Variants in MYO16 observed in about 807,000 individuals in gnomAD.
The protein encoded by MYO16 is unconventional myosin-XVI.
A neutral mutation model predicts 205.3 loss-of-function variants in MYO16; 94 were observed. The observed-to-expected ratio is 0.46, with a 90% CI of 0.39 to 0.54. The LOEUF (loss-of-function observed/expected upper bound fraction) is 0.54. Ranked by LOEUF, MYO16 falls within the 20% of genes least tolerant of loss-of-function variation. The pLI, the probability that MYO16 is intolerant of heterozygous loss-of-function variation, is 0.00. For missense variants in MYO16, 2,315 were observed against 2,387.5 expected (o/e 0.97, Z 0.63); for synonymous variants, 988 against 954.0 (o/e 1.04, Z -0.66).
chr13:108,588,036 A>C, the MYO16 span, among the ~76,000 whole-genome samples: 1 of 152,232 alleles, frequency 6.6e-6, no homozygotes. Flanking sequence ...ATAAGGAAAT[A>C]TGTTTTTATT....
chr13:109,081,241 A>T (rs1213420141), intron 27 of MYO16, among the ~76,000 whole-genome samples: 1 of 152,232 alleles, frequency 6.6e-6, no homozygotes, highest in East Asian at 1.9e-4. Context: ...TTAAGAAGTC[A>T]TCTCAAATAA....
chr13:108,673,903 C>T (rs887063296), intron 2 of MYO16, among the ~76,000 whole-genome samples: 1 of 152,116 alleles, frequency 6.6e-6, no homozygotes, highest in African/African-American at 2.4e-5. Flanking sequence ...CTCCCCTGGT[C>T]TTCCAGGACA....
intron 2 of MYO16, among the ~76,000 whole-genome samples, chr13:108,669,421 G>T (rs1881887103): frequency 6.6e-6 from 1 of 152,108 alleles, no homozygotes; most frequent in African/African-American, 2.4e-5. Flanking sequence ...AAAGTATAAA[G>T]AGCTCTTTAA....
At chr13:108,695,122 A>G (rs192671544) in intron 2 of MYO16, among the ~76,000 whole-genome samples, 103 of 152,342 alleles carry the variant, frequency 6.8e-4, no homozygotes, top group Non-Finnish European at 1.1e-3. Context: ...CAAAAAACAA[A>G]CAAACTAAAA....
chr13:108,810,085 GA>G (rs1887240170), intron 7 of MYO16, among the ~76,000 whole-genome samples: 1 of 152,196 alleles, frequency 6.6e-6, no homozygotes, highest in South Asian at 2.1e-4. Flanking sequence ...AAGGTTTCCA[GA>G]AATGGCCATT....
At chr13:108,878,087 G>A (rs1879410331) in intron 12 of MYO16, among the ~76,000 whole-genome samples, 1 of 152,174 alleles carries the variant, frequency 6.6e-6, no homozygotes, top group Admixed American at 6.5e-5. Context: ...AGGTGGTGCA[G>A]CCTGGTTGGT....
intron 27 of MYO16, among the ~76,000 whole-genome samples, chr13:109,086,921 A>G (rs900478476): frequency 3.3e-5 from 5 of 152,226 alleles, no homozygotes; most frequent in Admixed American, 1.3e-4. Context: ...TCATGGCTCA[A>G]TGTGGCATAA....
chr13:109,046,415 A>G (rs1887045482), intron 23 of MYO16, among the ~76,000 whole-genome samples: 1 of 152,236 alleles, frequency 6.6e-6, no homozygotes, highest in Non-Finnish European at 1.5e-5. Context: ...CCTATGGTGA[A>G]GAAGATTGCC....
intron 1 of MYO16, among the ~76,000 whole-genome samples, chr13:108,636,351 T>TGTG (rs1880230798): frequency 4.5e-5 from 1 of 22,104 alleles, no homozygotes; most frequent in African/African-American, 2.4e-4. Context: ...TTTCCCTTTT[T>TGTG]TTTTTTTTTT....
At position 108,798,769 on chromosome 13, in the gene MYO16, A is replaced by C. The variant is rs983051543; in HGVS notation, c.741+5129A>C. Among the ~76,000 whole-genome samples the C allele has an allele frequency of 9.6e-5, 12 of 125,240 alleles. No individual in the cohort carries two copies. In the Admixed American group the frequency reaches 1.2e-3, roughly 13 times the overall value. The allele number at this position is 125,240 out of a possible 152,430, so 82.2% of individuals were successfully genotyped here. On this transcript the variant is annotated intron_variant, in intron 6 of 34. Transcript: ENST00000457511. Reference sequence around the variant, plus strand: ...GCCGGACTGCGGACTGCAGTGGCGGAATCTCGGCTCACTGCAAGCTCCGCC... The same window carrying C: ...GCCGGACTGCGGACTGCAGTGGCGGCATCTCGGCTCACTGCAAGCTCCGCC...
At chr13:108,523,526 C>T in the MYO16 span, among the ~76,000 whole-genome samples, 48 of 152,292 alleles carry the variant, frequency 3.2e-4, no homozygotes, top group Middle Eastern at 0.017. Flanking sequence ...GACCACAAAC[C>T]TTCAATGTCT....
intron 24 of MYO16, among the ~76,000 whole-genome samples, chr13:109,049,712 A>G (rs1046736663): frequency 2.6e-5 from 4 of 151,726 alleles, no homozygotes; most frequent in South Asian, 2.1e-4. Flanking sequence ...TGCTATAACT[A>G]TAAATAATTA....
At chr13:109,191,918 A>C (rs1000208664) in intron 34 of MYO16, among the ~76,000 whole-genome samples, 1 of 152,208 alleles carries the variant, frequency 6.6e-6, no homozygotes, top group African/African-American at 2.4e-5. Flanking sequence ...AAAATATTAG[A>C]CATATAGTTC....
intron 21 of MYO16, among the ~76,000 whole-genome samples, chr13:109,007,504 A>C (rs1218383131): frequency 6.6e-6 from 1 of 151,380 alleles, no homozygotes; most frequent in Non-Finnish European, 1.5e-5. Context: ...AGGGAATGGA[A>C]AGATAAGAAT....
chr13:108,892,028 A>G (rs1448126871), intron 14 of MYO16, among the ~76,000 whole-genome samples: 2 of 152,112 alleles, frequency 1.3e-5, no homozygotes, highest in Non-Finnish European at 2.9e-5. Flanking sequence ...ATTATTTTGC[A>G]TATTTTATAC....
At chr13:108,708,565 C>G (rs891014772) in intron 2 of MYO16, among the ~76,000 whole-genome samples, 1 of 152,214 alleles carries the variant, frequency 6.6e-6, no homozygotes, top group Non-Finnish European at 1.5e-5. Flanking sequence ...TTGTCCTTCC[C>G]TCTGTCTGGA....
chr13:109,004,049 G>A (rs374982868), intron 21 of MYO16, among the ~76,000 whole-genome samples: 16 of 152,026 alleles, frequency 1.1e-4, no homozygotes, highest in African/African-American at 3.9e-4. Context: ...CCTGTTTATC[G>A]AACTTCTTAT....
At chr13:108,916,966 G>A (rs1390606011) in intron 16 of MYO16, among the ~76,000 whole-genome samples, 3 of 152,020 alleles carry the variant, frequency 2.0e-5, no homozygotes, top group Non-Finnish European at 4.4e-5. Context: ...AGAAAAAGGG[G>A]GAGTGTTGAG....
At position 108,924,768 on chromosome 13, in the gene MYO16, C is replaced by G. The variant is rs553146252; in HGVS notation, c.1925+14618C>G. Among the ~76,000 whole-genome samples the G allele has an allele frequency of 2.6e-5, 4 of 152,304 alleles. No individual in the cohort carries two copies. In the East Asian group the frequency reaches 7.7e-4, roughly 29 times the overall value. Reference sequence around the variant, plus strand: ...CACAGCATGGCATGGCGACTCACTCCTGACGTCACGTCTTCTGCTATCAGT... The same window carrying G: ...CACAGCATGGCATGGCGACTCACTCGTGACGTCACGTCTTCTGCTATCAGT... On this transcript the variant is annotated intron_variant, in intron 16 of 34. Coordinates refer to ENST00000457511, the MANE Select transcript of MYO16 (RefSeq NM_001198950.3).
Sources: allele counts gnomAD v4.1 joint callset (sites outside exome capture counted in the v4.1 genomes callset), GRCh38; gene constraint gnomAD v4.1.1; transcripts MANE v1.5; gene names NCBI Gene and HGNC (gene_info 2026-07-23, HGNC 2026-07-21).